Variants in ARAP2 observed in about 807,000 individuals in gnomAD.
ARAP2 encodes the protein ArfGAP with RhoGAP domain, ankyrin repeat and PH domain 2.
ARAP2 carries 148 observed loss-of-function variants against 194.5 expected under a neutral mutation model. The observed-to-expected ratio is 0.76, with a 90% confidence interval of 0.67 to 0.87. ARAP2 has a LOEUF of 0.87. Ranked by LOEUF, ARAP2 falls within the 40% of genes least tolerant of loss-of-function variation. The pLI is 0.00. For synonymous variants in ARAP2, 695 were observed against 683.5 expected (o/e 1.02, Z -0.26); for missense variants, 2,128 against 1,989.7 (o/e 1.07, Z -1.32).
At chr4:36,097,770 T>G (rs1273773319) in intron 27 of ARAP2, among the ~76,000 whole-genome samples, 1 of 152,108 alleles carries the variant, frequency 6.6e-6, no homozygotes, top group Non-Finnish European at 1.5e-5. Context: ...CCAATCAAAT[T>G]ACAGCATACT....
intron 10 of ARAP2, chr4:36,006,464 T>C (rs1164535795): frequency 6.6e-6 from 1 of 152,196 alleles, no homozygotes; most frequent in Non-Finnish European, 1.5e-5. Flanking sequence ...ATCGTGTGGT[T>C]AGTGTGTAGT....
In ARAP2 at chr4:36,143,194, T is replaced by C. The variant is rs77613314; in HGVS notation, c.3263+4102A>G. Reference sequence around the variant, plus strand: ...GGTTCATAACCTCACATTCTTGGCATCTATTGTGCAGATTCTTTACTTTTA... The same window carrying C: ...GGTTCATAACCTCACATTCTTGGCACCTATTGTGCAGATTCTTTACTTTTA... On this transcript the variant is annotated intron_variant, in intron 19 of 32. Coordinates refer to ENST00000303965, the MANE Select transcript of ARAP2 (RefSeq NM_015230.4). Among the ~76,000 whole-genome samples, 1,145 of 151,886 alleles carry C rather than the reference T, an allele frequency of 7.5e-3. 21 individuals carry two copies. The highest frequency in any genetic ancestry group is 0.026 in the African/African-American group (1,094 of 41,504).
chr4:36,122,960 T>G (rs1311608662), intron 22 of ARAP2, among the ~76,000 whole-genome samples: 5 of 151,640 alleles, frequency 3.3e-5, no homozygotes, highest in Non-Finnish European at 4.4e-5. Context: ...CAAGAAAAGG[T>G]GAATAAACAT....
chr4:36,075,160 G>C (rs542162578), intron 31 of ARAP2, among the ~76,000 whole-genome samples: 251 of 152,180 alleles, frequency 1.6e-3, no homozygotes, highest in African/African-American at 5.8e-3. Flanking sequence ...GAGGGAATTA[G>C]GCAATTTTGT....
intron 11 of ARAP2, among the ~76,000 whole-genome samples, chr4:36,162,988 G>T (rs1011174617): frequency 6.6e-6 from 1 of 152,164 alleles, no homozygotes; most frequent in Non-Finnish European, 1.5e-5. Flanking sequence ...GCAGTTTTAT[G>T]AAATGGGCTG....
chr4:36,219,608 T>C (rs991884402), intron 2 of ARAP2, among the ~76,000 whole-genome samples: 3 of 152,190 alleles, frequency 2.0e-5, no homozygotes, highest in Non-Finnish European at 4.4e-5. Context: ...TAAGCATGTA[T>C]ATATGGAAAA....
At chr4:36,094,587 A>G (rs539110093) in intron 27 of ARAP2, among the ~76,000 whole-genome samples, 1 of 152,306 alleles carries the variant, frequency 6.6e-6, no homozygotes, top group South Asian at 2.1e-4. Flanking sequence ...ATAAAATTAT[A>G]GAATTCCCAG....
At chr4:36,131,394 CAT>C (rs1263758283) in intron 20 of ARAP2, among the ~76,000 whole-genome samples, 1 of 149,754 alleles carries the variant, frequency 6.7e-6, no homozygotes, top group East Asian at 2.0e-4. Context: ...ACATATACAT[CAT>C]ATGTTATATA....
At chr4:36,230,007 T>A (rs904242739) in intron 1 of ARAP2, among the ~76,000 whole-genome samples, 1 of 152,230 alleles carries the variant, frequency 6.6e-6, no homozygotes, top group African/African-American at 2.4e-5. Context: ...ATATAGTTCA[T>A]CAGAAAGGGT....
chr4:36,165,501 T>C (rs529180727), intron 10 of ARAP2, among the ~76,000 whole-genome samples: 1 of 152,136 alleles, frequency 6.6e-6, no homozygotes, highest in Non-Finnish European at 1.5e-5. Context: ...AAGTATGCCA[T>C]GATAGTCTGA....
chr4:36,041,702 A>T (rs2109227365), intron 5 of ARAP2, among the ~76,000 whole-genome samples: 1 of 152,312 alleles, frequency 6.6e-6, no homozygotes, highest in African/African-American at 2.4e-5. Flanking sequence ...TAAATCATTC[A>T]ACCATAAAGA....
chr4:36,037,359 C>T (rs754281557), intron 5 of ARAP2, among the ~76,000 whole-genome samples: 4 of 152,086 alleles, frequency 2.6e-5, no homozygotes, highest in Non-Finnish European at 5.9e-5. Flanking sequence ...TTTGGCAGGA[C>T]CTGTACTTTG....
chr4:36,226,214 G>A (rs532184623), intron 2 of ARAP2, among the ~76,000 whole-genome samples: 7 of 152,048 alleles, frequency 4.6e-5, no homozygotes, highest in African/African-American at 1.7e-4. Context: ...TAATTTTAAT[G>A]TTTCCACTCT....
At chr4:36,182,403 A>C (rs1390305039) in intron 8 of ARAP2, among the ~76,000 whole-genome samples, 1 of 152,064 alleles carries the variant, frequency 6.6e-6, no homozygotes, top group African/African-American at 2.4e-5. Flanking sequence ...GAGGTAGGAG[A>C]ATCGCTTGCT....
intron 5 of ARAP2, among the ~76,000 whole-genome samples, chr4:36,024,793 A>G (rs1394167138): frequency 6.6e-6 from 1 of 152,126 alleles, no homozygotes; most frequent in Non-Finnish European, 1.5e-5. Context: ...TCTAAATACT[A>G]TATATTATAT....
intron 15 of ARAP2, 54 bp downstream of exon 15, chr4:36,158,676 G>C: frequency 7.0e-7 from 1 of 1,428,694 alleles, no homozygotes; most frequent in Admixed American, 2.3e-5. Context: ...TAATTGTTTT[G>C]ATAATGGAAT....
At chr4:36,158,886 G>C (rs539804338) in intron 14 of ARAP2, 22 bp from the exon 15 acceptor site, 49 of 1,565,474 alleles carry the variant, frequency 3.1e-5, no homozygotes, top group Non-Finnish European at 4.2e-5. Context: ...AAAGAAATAA[G>C]GCACAAGAAA....
chr4:36,241,136 T>C (rs1235516250), intron 1 of ARAP2, among the ~76,000 whole-genome samples: 1 of 152,242 alleles, frequency 6.6e-6, no homozygotes, highest in Non-Finnish European at 1.5e-5. Context: ...TTCTAGAGTT[T>C]CTACAAAAGC....
intron 31 of ARAP2, 37 bp from the exon 32 acceptor site, chr4:36,073,860 TTTA>T: frequency 6.2e-7 from 1 of 1,610,844 alleles, no homozygotes; most frequent in South Asian, 1.1e-5. Flanking sequence ...GGTGTGTGAT[TTTA>T]TTATGTGGTA....
Sources: allele counts gnomAD v4.1 joint callset (sites outside exome capture counted in the v4.1 genomes callset), GRCh38; gene constraint gnomAD v4.1.1; transcripts MANE v1.5; gene names NCBI Gene and HGNC (gene_info 2026-07-23, HGNC 2026-07-21).